Variants in ADAMTS18 observed in about 807,000 individuals in gnomAD.
ADAMTS18 encodes A disintegrin and metalloproteinase with thrombospondin motifs 18.
ADAMTS18 carries 157 observed loss-of-function variants against 165.9 expected under a neutral mutation model. That is an observed-to-expected ratio of 0.95 (90% CI 0.83 to 1.08). ADAMTS18 has a LOEUF of 1.08. Ranked by LOEUF, ADAMTS18 falls within the 50% of genes least tolerant of loss-of-function variation. ADAMTS18 has a pLI of 0.00. For missense variants in ADAMTS18, 2,040 were observed against 1,534.0 expected, an observed-to-expected ratio of 1.33 and a Z score of -5.51; for synonymous variants, 782 against 578.2, an observed-to-expected ratio of 1.35 and a Z score of -5.06.
rs1597272793 is a variant in ADAMTS18 at position 77,434,989 on chromosome 16, G to A, written c.-294C>T. The A allele has an allele frequency of 7.2e-6, 2 of 277,836 alleles. No individual in the cohort carries two copies. Among genetic ancestry groups the A allele is most frequent in the East Asian group, 6.5e-5 (1 of 15,306 alleles). 17.2% of individuals were successfully genotyped at this position (277,836 alleles called of 1,614,324 possible). ...CGCAAACGGTTGGGAGACTGTCGGT[G>A]TCTGCCCGCCCGTCTGTGCGTCTGT... On this transcript the variant is annotated 5_prime_UTR_variant, in exon 1 of 23. Transcript: ENST00000282849.
intron 12 of ADAMTS18, among the ~76,000 whole-genome samples, chr16:77,327,528 G>A (rs2056116332): frequency 1.3e-5 from 2 of 152,172 alleles, no homozygotes; most frequent in African/African-American, 4.8e-5. Context: ...TAAAGAAAAT[G>A]TGGTGTATAT....
chr16:77,365,788 G>T (rs952508134), intron 4 of ADAMTS18, among the ~76,000 whole-genome samples: 2 of 152,220 alleles, frequency 1.3e-5, no homozygotes, highest in African/African-American at 4.8e-5. Context: ...AGTGAAACTA[G>T]CTCCCTACAG....
At chr16:77,350,566 A>G (rs1355694053) in intron 10 of ADAMTS18, among the ~76,000 whole-genome samples, 1 of 152,210 alleles carries the variant, frequency 6.6e-6, no homozygotes. Context: ...CCCCAAGCTT[A>G]TAGGAAATCT....
At chr16:77,372,966 C>A (rs7184724) in intron 3 of ADAMTS18, among the ~76,000 whole-genome samples, 2 of 152,028 alleles carry the variant, frequency 1.3e-5, no homozygotes, top group Admixed American at 6.5e-5. Flanking sequence ...CCTGCAGAAC[C>A]TGCCAGCTTT....
chr16:77,390,626 G>A (rs1358907493), intron 3 of ADAMTS18, among the ~76,000 whole-genome samples: 1 of 151,618 alleles, frequency 6.6e-6, no homozygotes, highest in Admixed American at 6.6e-5. Flanking sequence ...GCAGACGGAG[G>A]TTGCAGTGAG....
intron 3 of ADAMTS18, among the ~76,000 whole-genome samples, chr16:77,382,128 C>T (rs2057039675): frequency 6.6e-6 from 1 of 152,184 alleles, no homozygotes; most frequent in Non-Finnish European, 1.5e-5. Context: ...AGAGACATAT[C>T]CACAATAATA....
In ADAMTS18 at chr16:77,353,784, A is replaced by G. The variant is rs1471265132; in HGVS notation, c.1563T>C (p.Cys521=). ...PGQIYDADTQ[C]KWQFGAKAKL... ...TGGCTTTTGCTCCAAATTGCCATTT[A>G]CACTGTGTGTCAGCATCATAAATCT... is the stretch of plus-strand genomic sequence containing the variant. The change falls in exon 10 of 23, where the codon TGT becomes TGC. Residue 521 remains cysteine, a synonymous_variant. Coordinates refer to ENST00000282849, the MANE Select transcript of ADAMTS18 (RefSeq NM_199355.4). 6.2e-7 allele frequency: 1 copy of G among 1,614,072 alleles called. No individual in the cohort carries two copies. The highest frequency in any genetic ancestry group is 8.5e-7 in the Non-Finnish European group (1 of 1,180,030).
At chr16:77,287,435 C>A (rs1013054974) in intron 22 of ADAMTS18, among the ~76,000 whole-genome samples, 2 of 152,088 alleles carry the variant, frequency 1.3e-5, no homozygotes, top group African/African-American at 4.8e-5. Flanking sequence ...GGGCTCGTAT[C>A]CTTTATTCTT....
At chr16:77,425,579 A>G (rs1330763036) in intron 3 of ADAMTS18, among the ~76,000 whole-genome samples, 1 of 152,238 alleles carries the variant, frequency 6.6e-6, no homozygotes, top group Admixed American at 6.5e-5. Flanking sequence ...CAATCTTCAC[A>G]TGAAGAATGG....
At chr16:77,308,734 G>A (rs969355481) in intron 16 of ADAMTS18, among the ~76,000 whole-genome samples, 1 of 152,118 alleles carries the variant, frequency 6.6e-6, no homozygotes, top group South Asian at 2.1e-4. Context: ...GAAAAACATT[G>A]TTTTCAGGCA....
At chr16:77,399,157 G>C (rs1434899969) in intron 3 of ADAMTS18, among the ~76,000 whole-genome samples, 1 of 152,172 alleles carries the variant, frequency 6.6e-6, no homozygotes, top group African/African-American at 2.4e-5. Flanking sequence ...ACTTTACTCA[G>C]GCTTAGAGAT....
In ADAMTS18 at chr16:77,283,765, T is replaced by A. The variant is rs924814551; in HGVS notation, c.*191A>T. 6.8e-6 allele frequency: 4 copies of A among 589,518 alleles called. No individual in the cohort carries two copies. The highest frequency in any genetic ancestry group is 1.2e-5 in the Non-Finnish European group (4 of 329,904). 36.5% of individuals were successfully genotyped at this position (589,518 alleles called of 1,614,324 possible). A position where few individuals can be genotyped will look rare whatever the true frequency, so the allele number is the denominator to read the frequency against. On this transcript the variant is annotated 3_prime_UTR_variant, in exon 23 of 23. Transcript: ENST00000282849. ...CTTCCCATTTTCAAGTGCTTCAGAG[T>A]ACCACGTGCTTCAGGGAATTGAGCT...
chr16:77,410,896 C>A (rs1421958036), intron 3 of ADAMTS18, among the ~76,000 whole-genome samples: 1 of 152,162 alleles, frequency 6.6e-6, no homozygotes, highest in Non-Finnish European at 1.5e-5. Flanking sequence ...TCCTTTTTAT[C>A]ATCAAACTTC....
At chr16:77,314,186 A>T (rs765701429) in intron 16 of ADAMTS18, among the ~76,000 whole-genome samples, 2 of 152,196 alleles carry the variant, frequency 1.3e-5, no homozygotes, top group Non-Finnish European at 2.9e-5. Flanking sequence ...TAGGAAGATG[A>T]TGGGAGTTAA....
At chr16:77,321,033 C>G in intron 15 of ADAMTS18, 46 bp downstream of exon 15, 1 of 1,613,592 alleles carries the variant, frequency 6.2e-7, no homozygotes, top group Non-Finnish European at 8.5e-7. Flanking sequence ...TGTTTGGTAG[C>G]AAAAGTTGTA....
At chr16:77,325,785 A>G (rs2144650442) in intron 13 of ADAMTS18, 81 bp downstream of exon 13, 1 of 1,411,880 alleles carries the variant, frequency 7.1e-7, no homozygotes, top group Non-Finnish European at 9.8e-7. Context: ...TCTTTGATAC[A>G]AGCAGCAATT....
chr16:77,359,171 A>G (rs2056674011), intron 8 of ADAMTS18, 147 bp downstream of exon 8: 3 of 735,138 alleles, frequency 4.1e-6, no homozygotes, highest in Non-Finnish European at 7.0e-6. Context: ...GCCTTTAGTG[A>G]GCCCTTTGTA....
intron 3 of ADAMTS18, among the ~76,000 whole-genome samples, chr16:77,422,713 C>T (rs1400291981): frequency 6.6e-6 from 1 of 152,038 alleles, no homozygotes; most frequent in African/African-American, 2.4e-5. Flanking sequence ...CAAAAAAATG[C>T]ATATTTTTTT....
At chr16:77,397,704 T>C (rs1274404459) in intron 3 of ADAMTS18, among the ~76,000 whole-genome samples, 4 of 152,374 alleles carry the variant, frequency 2.6e-5, no homozygotes, top group East Asian at 3.9e-4. Context: ...GTTTTGCCCA[T>C]GCAGAGCTTA....
Sources: gnomAD v4.1 joint callset for allele counts (sites outside exome capture counted in the v4.1 genomes callset) on GRCh38, gnomAD v4.1.1 for gene constraint, MANE v1.5 for transcripts, NCBI Gene and HGNC (gene_info 2026-07-23, HGNC 2026-07-21) for gene names.